Variants in SMARCC1 observed in about 807,000 individuals in gnomAD.
The protein encoded by SMARCC1 is SWI/SNF related BAF chromatin remodeling complex subunit C1.
Under a neutral mutation model 147.4 loss-of-function variants are expected in SMARCC1, and 43 were observed. That is an observed-to-expected ratio of 0.29 (90% CI 0.23 to 0.38). SMARCC1 has a LOEUF of 0.38. SMARCC1 is among the 10% of genes least tolerant of loss of function. SMARCC1 has a pLI of 1.00. For synonymous variants in SMARCC1, 495 were observed against 484.4 expected, an observed-to-expected ratio of 1.02 and a Z score of -0.29; for missense variants, 1,119 against 1,381.1, an observed-to-expected ratio of 0.81 and a Z score of 3.01.
At position 47,749,670 on chromosome 3, in the gene SMARCC1, A is replaced by AACACACACAC. The variant is rs1328820771; in HGVS notation, c.316-3687_316-3678dup. ...TGACAAAGTGAGACCCTCTAAATTA[A>AACACACACAC]ACACACACACACACACACACAAAGT... On this transcript the variant is annotated intron_variant, in intron 2 of 27. Transcript: ENST00000254480. Among the ~76,000 whole-genome samples, 51 of 92,494 alleles carry AACACACACAC rather than the reference A, an allele frequency of 5.5e-4. 1 individual carries two copies. In the East Asian group the frequency reaches 5.8e-3, roughly 11 times the overall value. 60.7% of individuals were successfully genotyped at this position (92,494 alleles called of 152,430 possible).
intron 25 of SMARCC1, among the ~76,000 whole-genome samples, chr3:47,616,357 ACTGC>A (rs2032645623): frequency 1.3e-5 from 2 of 152,172 alleles, no homozygotes; most frequent in African/African-American, 4.8e-5. Context: ...AACTTCCATA[ACTGC>A]CTTTCCTTTA....
chr3:47,745,280 A>C (rs2034552781), intron 3 of SMARCC1, among the ~76,000 whole-genome samples: 2 of 152,108 alleles, frequency 1.3e-5, no homozygotes. Context: ...AAACAAACAA[A>C]AATACTATCT....
intron 2 of SMARCC1, among the ~76,000 whole-genome samples, chr3:47,767,358 G>A (rs1266151766): frequency 2.1e-5 from 3 of 145,034 alleles, no homozygotes; most frequent in African/African-American, 2.5e-5. Context: ...CTCCTGCCTC[G>A]GCCTCCTGAG....
At chr3:47,627,999 G>A (rs538646892) in intron 24 of SMARCC1, among the ~76,000 whole-genome samples, 3 of 152,074 alleles carry the variant, frequency 2.0e-5, no homozygotes, top group South Asian at 2.1e-4. Context: ...CTGGGATTAC[G>A]GTGTGAGCCA....
In SMARCC1 at chr3:47,705,167, C is replaced by CA. The variant is rs1324195868; in HGVS notation, c.1040+1241dup. 4.2e-4 allele frequency among the ~76,000 whole-genome samples: 63 copies of CA among 150,550 alleles called. 1 individual carries two copies. The highest frequency in any genetic ancestry group is 1.5e-3 in the African/African-American group (60 of 41,138). On this transcript the variant is annotated intron_variant, in intron 10 of 27. Transcript: ENST00000254480. ...TGAAACCCCGTCTCTACTAAAAATACAAAAAAAATTAGCTGGGCGTGGTGG... is the reference window on the plus strand; with the variant it reads ...TGAAACCCCGTCTCTACTAAAAATACAAAAAAAAATTAGCTGGGCGTGGTGG...
intron 5 of SMARCC1, among the ~76,000 whole-genome samples, chr3:47,731,367 A>G (rs907924598): frequency 3.3e-5 from 5 of 152,296 alleles, no homozygotes; most frequent in African/African-American, 7.2e-5. Context: ...TTCCTCTACT[A>G]AAGTCTTTAA....
intron 2 of SMARCC1, among the ~76,000 whole-genome samples, chr3:47,751,899 T>C (rs949408185): frequency 6.6e-6 from 1 of 151,936 alleles, no homozygotes; most frequent in Non-Finnish European, 1.5e-5. Flanking sequence ...CTGACCAACA[T>C]GGTGAAACTC....
intron 24 of SMARCC1, among the ~76,000 whole-genome samples, chr3:47,623,722 T>C (rs1266023508): frequency 1.3e-5 from 2 of 152,124 alleles, no homozygotes; most frequent in African/African-American, 2.4e-5. Context: ...AACTGAAAAG[T>C]TACAAAGAGG....
At chr3:47,591,500 T>C (rs1170585340) in intron 26 of SMARCC1, among the ~76,000 whole-genome samples, 2 of 151,904 alleles carry the variant, frequency 1.3e-5, no homozygotes, top group African/African-American at 4.8e-5. Context: ...CTCCATCTCT[T>C]CCTACTGTTT....
At chr3:47,687,456 AAAC>A (rs1387563935) in intron 13 of SMARCC1, among the ~76,000 whole-genome samples, 1 of 152,224 alleles carries the variant, frequency 6.6e-6, no homozygotes, top group Admixed American at 6.5e-5. Context: ...TTCAATCAGA[AAAC>A]AACAAGGAAG....
intron 26 of SMARCC1, among the ~76,000 whole-genome samples, chr3:47,591,162 C>G (rs1220167081): frequency 2.0e-5 from 3 of 152,152 alleles, no homozygotes; most frequent in Non-Finnish European, 4.4e-5. Flanking sequence ...TGTCAAATGT[C>G]TTCCTGAGGA....
intron 2 of SMARCC1, among the ~76,000 whole-genome samples, chr3:47,770,603 A>G (rs1278906174): frequency 6.6e-6 from 1 of 152,120 alleles, no homozygotes; most frequent in Non-Finnish European, 1.5e-5. Context: ...AGCCTGGGCA[A>G]CACAGCAAGA....
chr3:47,646,076 T>C (rs897746709), intron 21 of SMARCC1, among the ~76,000 whole-genome samples: 6 of 152,046 alleles, frequency 3.9e-5, no homozygotes, highest in Non-Finnish European at 5.9e-5. Flanking sequence ...CCCCAGCACT[T>C]TGGGAGGCCG....
rs558266865 is a variant in SMARCC1 at position 47,664,658 on chromosome 3, C to T, written c.1900-2066G>A. Among the ~76,000 whole-genome samples the T allele has an allele frequency of 6.6e-5, 10 of 152,280 alleles. No homozygotes were observed. The South Asian group carries it at 2.1e-3, about 32-fold the overall frequency. ...TTTATTTAGTGGCATACTGAAGTTG[C>T]TACTCTCACACCATTCTCTCCAGGA... On this transcript the variant is annotated intron_variant, in intron 19 of 27. Coordinates refer to ENST00000254480, the MANE Select transcript of SMARCC1 (RefSeq NM_003074.4).
At chr3:47,739,935 G>A (rs2034489016) in intron 3 of SMARCC1, among the ~76,000 whole-genome samples, 2 of 151,992 alleles carry the variant, frequency 1.3e-5, no homozygotes, top group Admixed American at 1.3e-4. Flanking sequence ...GGAGTGCAGT[G>A]GTGTGATCTC....
chr3:47,695,529 G>A (rs1239354402), intron 11 of SMARCC1, among the ~76,000 whole-genome samples: 1 of 151,950 alleles, frequency 6.6e-6, no homozygotes. Flanking sequence ...AACTTTGGAA[G>A]GACAAGGCAG....
chr3:47,764,187 C>T (rs1427198403), intron 2 of SMARCC1, among the ~76,000 whole-genome samples: 1 of 152,102 alleles, frequency 6.6e-6, no homozygotes, highest in Non-Finnish European at 1.5e-5. Flanking sequence ...CAATCACACA[C>T]CACCATGCAC....
At chr3:47,775,213 T>G (rs962384904) in intron 1 of SMARCC1, among the ~76,000 whole-genome samples, 4 of 149,178 alleles carry the variant, frequency 2.7e-5, no homozygotes, top group Non-Finnish European at 5.9e-5. Context: ...CAGGCTGGAG[T>G]GCAGTGGTGC....
intron 7 of SMARCC1, among the ~76,000 whole-genome samples, chr3:47,718,996 T>G (rs2034197196): frequency 6.6e-6 from 1 of 152,126 alleles, no homozygotes; most frequent in Non-Finnish European, 1.5e-5. Context: ...CACGGCAAGC[T>G]CCGCCCCCGG....
Sources: gnomAD v4.1 joint callset for allele counts (sites outside exome capture counted in the v4.1 genomes callset) on GRCh38, gnomAD v4.1.1 for gene constraint, MANE v1.5 for transcripts, NCBI Gene and HGNC (gene_info 2026-07-23, HGNC 2026-07-21) for gene names.